The following CTPS2 variants were observed in gnomAD, a reference collection of about 807,000 sequenced individuals.
The protein encoded by CTPS2 is CTP synthase 2, also known as CTP synthase II.
CTPS2 carries 19 observed loss-of-function variants against 46.8 expected under a neutral mutation model. The observed-to-expected ratio is 0.41, with a 90% confidence interval of 0.28 to 0.60. The LOEUF is 0.60. CTPS2 is among the 20% of genes least tolerant of loss of function. The pLI is 0.35. For synonymous variants in CTPS2, 151 were observed against 165.2 expected, an observed-to-expected ratio of 0.91 and a Z score of 0.66; for missense variants, 286 against 447.6, an observed-to-expected ratio of 0.64 and a Z score of 3.26.
intron 13 of CTPS2, among the ~76,000 whole-genome samples, chrX:16,662,978 C>A (rs949156988): frequency 3.0e-4 from 33 of 111,399 alleles, no homozygotes; most frequent in African/African-American, 1.0e-3. Flanking sequence ...TAAATTAAAG[C>A]AGCAAAATAA....
chrX:16,708,744 G>A (rs1443530381), intron 1 of CTPS2, among the ~76,000 whole-genome samples: 2 of 111,430 alleles, frequency 1.8e-5, no homozygotes, highest in Non-Finnish European at 3.8e-5. Flanking sequence ...CTGTTCAAAT[G>A]ACTCTCTTTG....
chrX:16,689,611 G>C lies in CTPS2; in HGVS notation c.721-10C>G. On this transcript the variant is annotated splice_polypyrimidine_tract_variant and intron_variant, in intron 7 of 18. Coordinates refer to ENST00000359276, the MANE Select transcript of CTPS2 (RefSeq NM_175859.3). ...CATGGATACATATGACCTAAGTGGC[G>C]ATGAGAAATCACCATACTTAGATGG... 1 of 1,192,657 alleles carries C rather than the reference G, an allele frequency of 8.4e-7. No individual in the cohort carries two copies. Among genetic ancestry groups the C allele is most frequent in the Non-Finnish European group, 1.1e-6 (1 of 884,053 alleles).
chrX:16,670,466 T>C (rs1199040685), intron 11 of CTPS2, 114 bp downstream of exon 11: 1 of 548,061 alleles, frequency 1.8e-6, no homozygotes, highest in Non-Finnish European at 3.0e-6. Flanking sequence ...ATTTGGCACC[T>C]GAACTTTCAA....
intron 13 of CTPS2, among the ~76,000 whole-genome samples, chrX:16,653,765 C>G (rs1156385053): frequency 8.9e-6 from 1 of 112,237 alleles, no homozygotes; most frequent in Non-Finnish European, 1.9e-5. Flanking sequence ...CATAGCTCAA[C>G]GTTTGGGAAA....
chrX:16,652,873 G>T (rs1485387045), intron 13 of CTPS2, among the ~76,000 whole-genome samples: 1 of 111,438 alleles, frequency 9.0e-6, no homozygotes, highest in Non-Finnish European at 1.9e-5. Context: ...AAGGCTTCAG[G>T]AAAACAGTGT....
At chrX:16,626,176 G>T (rs1467754337) in intron 14 of CTPS2, among the ~76,000 whole-genome samples, 1 of 111,360 alleles carries the variant, frequency 9.0e-6, no homozygotes, top group Non-Finnish European at 1.9e-5. Flanking sequence ...GAGGTCAGGA[G>T]ATCGAGACCA....
chrX:16,699,203 T>G (rs1924368171), intron 2 of CTPS2, 110 bp from the exon 3 acceptor site: 2 of 493,441 alleles, frequency 4.1e-6, no homozygotes, highest in South Asian at 4.5e-5. Context: ...GTAAGCCATA[T>G]TCTATCACCA....
intron 16 of CTPS2, among the ~76,000 whole-genome samples, chrX:16,613,495 A>T (rs73448260): frequency 0.025 from 2,842 of 111,684 alleles, 100 homozygotes; most frequent in African/African-American, 0.087. Context: ...ACTTGACAAC[A>T]CACTGCTAGT....
intron 10 of CTPS2, among the ~76,000 whole-genome samples, chrX:16,676,142 T>C (rs754167782): frequency 2.7e-5 from 3 of 112,272 alleles, no homozygotes; most frequent in Admixed American, 9.5e-5. Context: ...CTTTTTTATT[T>C]TGCAACAGGA....
At chrX:16,668,770 AAAGGAAGGAAGGAAGGAAGGAAGGAAGG>A (rs753753580) in intron 11 of CTPS2, among the ~76,000 whole-genome samples, 1 of 73,602 alleles carries the variant, frequency 1.4e-5, no homozygotes, top group Admixed American at 1.6e-4. Context: ...GGAAGGAAGG[AAAGGAAGGAAGGAAGGAAGGAAGGAAGG>A]AAGGAAGGAA....
chrX:16,624,982 T>C (rs1931046948), intron 14 of CTPS2, among the ~76,000 whole-genome samples: 1 of 112,000 alleles, frequency 8.9e-6, no homozygotes, highest in East Asian at 2.8e-4. Context: ...TACTGCCTCA[T>C]ACATAATATA....
At chrX:16,709,728 A>G (rs1359515052) in intron 1 of CTPS2, among the ~76,000 whole-genome samples, 1 of 107,248 alleles carries the variant, frequency 9.3e-6, no homozygotes, top group Non-Finnish European at 1.9e-5. Flanking sequence ...ACCCACCTGT[A>G]GTCTCAGGTA....
intron 14 of CTPS2, among the ~76,000 whole-genome samples, chrX:16,620,565 G>A (rs1038332910): frequency 7.1e-5 from 8 of 112,323 alleles, no homozygotes; most frequent in African/African-American, 2.6e-4. Flanking sequence ...TGCATAAAAG[G>A]AAGCCAGATG....
intron 8 of CTPS2, among the ~76,000 whole-genome samples, chrX:16,685,728 G>A (rs1454896358): frequency 5.6e-5 from 6 of 107,232 alleles, no homozygotes; most frequent in Non-Finnish European, 1.2e-4. Flanking sequence ...TTAGCCGGGC[G>A]TGGTGGTGGG....
At chrX:16,636,916 C>CA (rs762437375) in intron 14 of CTPS2, among the ~76,000 whole-genome samples, 44 of 105,499 alleles carry the variant, frequency 4.2e-4, no homozygotes, top group Non-Finnish European at 5.7e-4. Flanking sequence ...GACTCCGTCT[C>CA]AAAAAAAAAT....
chrX:16,672,795 T>C (rs1921863760), intron 10 of CTPS2, among the ~76,000 whole-genome samples: 1 of 109,881 alleles, frequency 9.1e-6, no homozygotes, highest in African/African-American at 3.3e-5. Context: ...TCTCTCTCTC[T>C]GTGCAAATTG....
intron 14 of CTPS2, among the ~76,000 whole-genome samples, chrX:16,628,908 C>T (rs140217337): frequency 0.013 from 1,465 of 112,200 alleles, 17 homozygotes; most frequent in South Asian, 0.029. Context: ...GGTCAATGCT[C>T]TCAAATATCA....
In CTPS2 at chrX:16,702,919, G is replaced by T; in HGVS notation, c.-17C>A. 8.4e-7 allele frequency: 1 copy of T among 1,189,452 alleles called. No individual in the cohort carries two copies. Among genetic ancestry groups the T allele is most frequent in the Middle Eastern group, 2.4e-4 (1 of 4,205 alleles). On this transcript the variant is annotated 5_prime_UTR_variant, in exon 2 of 19. Transcript: ENST00000359276. ...GTACTTCATTGGCAGAATAGTGGCT[G>T]GGTGCCAACACCCAGATATAATCTG...
At chrX:16,623,246 T>C (rs1930932305) in intron 14 of CTPS2, among the ~76,000 whole-genome samples, 1 of 112,249 alleles carries the variant, frequency 8.9e-6, no homozygotes, top group Non-Finnish European at 1.9e-5. Flanking sequence ...CAAGCATTTA[T>C]CCTTTCAGTT....
Sources: allele counts gnomAD v4.1 joint callset (sites outside exome capture counted in the v4.1 genomes callset), GRCh38; gene constraint gnomAD v4.1.1; transcripts MANE v1.5; gene names NCBI Gene and HGNC (gene_info 2026-07-23, HGNC 2026-07-21).